MCTP2: variants seen among roughly 807,000 people sequenced by gnomAD.
MCTP2 encodes multiple C2 and transmembrane domain containing 2, also known as multiple C2 and transmembrane domain-containing protein 2.
In MCTP2, 132 loss-of-function variants were observed where a neutral mutation model predicts 111.6. The observed-to-expected ratio is 1.18, with a 90% CI of 1.03 to 1.37. MCTP2 has a LOEUF of 1.37. MCTP2 is among the 40% of genes most tolerant of loss of function. The probability of loss-of-function intolerance (pLI) is 0.00; values close to 1 mark genes in which losing one functional copy is unlikely to be tolerated. For synonymous variants in MCTP2, 395 were observed against 387.7 expected (o/e 1.02, Z -0.22); for missense variants, 1,183 against 1,067.9 (o/e 1.11, Z -1.50).
chr15:94,233,018 T>A (rs1477274850), intron 1 of MCTP2, among the ~76,000 whole-genome samples: 1 of 152,140 alleles, frequency 6.6e-6, no homozygotes, highest in Non-Finnish European at 1.5e-5. Context: ...AATTTAGAAA[T>A]TGCATGTGGC....
At chr15:94,478,744 A>T (rs1358302910) in intron 22 of MCTP2, among the ~76,000 whole-genome samples, 3 of 152,228 alleles carry the variant, frequency 2.0e-5, no homozygotes, top group Non-Finnish European at 4.4e-5. Flanking sequence ...CACGCATCTC[A>T]TTAGAAAAAT....
At chr15:94,358,228 C>T (rs2060373) in intron 9 of MCTP2, among the ~76,000 whole-genome samples, 68,453 of 151,874 alleles carry the variant, frequency 0.45, 15,580 homozygotes, top group Admixed American at 0.5. Flanking sequence ...TTATGGTTTC[C>T]TGTGAGGTAA....
rs757168539 is a variant in MCTP2 at position 94,314,275 on chromosome 15, T to C, written c.466-7T>C. 1.9e-6 allele frequency: 3 copies of C among 1,601,216 alleles called. No homozygotes were observed. The highest frequency in any genetic ancestry group is 1.1e-5 in the South Asian group (1 of 88,802). On this transcript the variant is annotated splice_polypyrimidine_tract_variant and splice_region_variant and intron_variant, in intron 2 of 22. Transcript: ENST00000357742. ...TAAAGCAGATTTTTTTTTCTTTTTC[T>C]TTGCAGAAGCTATGTGGAAGCAGTG...
chr15:94,438,484 G>T lies in MCTP2; in HGVS notation c.2086-1692G>T, dbSNP rs541528411. On this transcript the variant is annotated intron_variant, in intron 17 of 22. Transcript: ENST00000357742. ...GTTAGAAAATAAAATACAGCAATAC[G>T]GGTTCACCTCAGTGAAGGAGTTTCT... Among the ~76,000 whole-genome samples the T allele has an allele frequency of 8.0e-4, 121 of 152,132 alleles. 1 individual carries two copies. The South Asian group carries it at 0.025, about 32-fold the overall frequency.
At chr15:94,475,218 G>A (rs1440068244) in intron 21 of MCTP2, among the ~76,000 whole-genome samples, 1 of 152,138 alleles carries the variant, frequency 6.6e-6, no homozygotes, top group Non-Finnish European at 1.5e-5. Context: ...AGCTAGAAAC[G>A]TGAAGCTTGC....
Position 94,479,307 on chromosome 15 carries a change from A to C in MCTP2, c.*273A>C. On this transcript the variant is annotated 3_prime_UTR_variant, in exon 23 of 23. Transcript: ENST00000357742. The stretch of plus-strand genomic sequence containing the variant: ...AACATCCATTCTGAAATAGGAGATA[A>C]CAAGGCTGCCATGGATCTGAACACC... 1 of 474,900 alleles carries C rather than the reference A, an allele frequency of 2.1e-6. No individual in the cohort carries two copies. Among genetic ancestry groups the C allele is most frequent in the Non-Finnish European group, 3.8e-6 (1 of 262,518 alleles). 29.4% of individuals were successfully genotyped at this position (474,900 alleles called of 1,614,324 possible). A position where few individuals can be genotyped will look rare whatever the true frequency, so the allele number is the denominator to read the frequency against.
At chr15:94,328,131 C>CTTT (rs61495849) in intron 4 of MCTP2, among the ~76,000 whole-genome samples, 25 of 138,770 alleles carry the variant, frequency 1.8e-4, no homozygotes, top group African/African-American at 6.5e-4. Context: ...TATTTCTTTT[C>CTTT]TTTTTTTTTT....
intron 21 of MCTP2, among the ~76,000 whole-genome samples, chr15:94,470,987 A>T (rs1236257740): frequency 6.6e-6 from 1 of 152,194 alleles, no homozygotes; most frequent in Non-Finnish European, 1.5e-5. Context: ...TTACCAGGGG[A>T]AATGGTGTGC....
chr15:94,431,681 T>A (rs115911717), intron 17 of MCTP2, among the ~76,000 whole-genome samples: 2,121 of 152,284 alleles, frequency 0.014, 47 homozygotes, highest in African/African-American at 0.046. Flanking sequence ...TAATTTTTTT[T>A]AAAAATTTAA....
chr15:94,328,277 C>T (rs1056066817), intron 4 of MCTP2, among the ~76,000 whole-genome samples: 11 of 151,674 alleles, frequency 7.3e-5, no homozygotes, highest in Non-Finnish European at 1.2e-4. Context: ...TACAGGTGCC[C>T]GCCACCACGC....
At chr15:94,253,895 G>A (rs112882461) in intron 1 of MCTP2, among the ~76,000 whole-genome samples, 1 of 152,070 alleles carries the variant, frequency 6.6e-6, no homozygotes, top group African/African-American at 2.4e-5. Context: ...GCTCAATGGT[G>A]GGTTGAAACA....
chr15:94,290,152 C>CAA (rs57892801), intron 1 of MCTP2, among the ~76,000 whole-genome samples: 81 of 140,000 alleles, frequency 5.8e-4, no homozygotes, highest in African/African-American at 2.0e-3. Flanking sequence ...CTAGAGCCTC[C>CAA]AAAAAAAAAA....
chr15:94,290,969 T>C (rs1164365106), intron 1 of MCTP2, among the ~76,000 whole-genome samples: 1 of 152,224 alleles, frequency 6.6e-6, no homozygotes, highest in East Asian at 1.9e-4. Context: ...AAATTACTCC[T>C]GTCTCAGTAA....
intron 14 of MCTP2, among the ~76,000 whole-genome samples, chr15:94,396,713 A>G (rs1315500189): frequency 1.3e-5 from 2 of 152,182 alleles, no homozygotes; most frequent in African/African-American, 2.4e-5. Flanking sequence ...TTTAGCTTTT[A>G]TCTTTTCTCT....
In MCTP2 at chr15:94,440,302, A is replaced by G; in HGVS notation, c.2208+4A>G. The G allele has an allele frequency of 3.7e-6, 6 of 1,613,692 alleles. No homozygotes were observed. Among genetic ancestry groups the G allele is most frequent in the Non-Finnish European group, 5.1e-6 (6 of 1,179,852 alleles). On this transcript the variant is annotated splice_donor_region_variant and intron_variant, in intron 18 of 22. Transcript: ENST00000357742. Reference sequence around the variant, plus strand: ...CAGCAGCATCCAGGACAGCCAGGTAAGCAAGGATTCGGAGTTCTGACATTT... The same window carrying G: ...CAGCAGCATCCAGGACAGCCAGGTAGGCAAGGATTCGGAGTTCTGACATTT...
intron 1 of MCTP2, among the ~76,000 whole-genome samples, chr15:94,277,703 T>C (rs1028885513): frequency 1.3e-5 from 2 of 152,118 alleles, no homozygotes; most frequent in Non-Finnish European, 2.9e-5. Context: ...AAGCAGGGGA[T>C]TTTTTATGAC....
chr15:94,312,338 G>A (rs2076181913), intron 2 of MCTP2, among the ~76,000 whole-genome samples: 1 of 152,226 alleles, frequency 6.6e-6, no homozygotes, highest in East Asian at 1.9e-4. Context: ...GTGGACTTCA[G>A]AGAGTACTGC....
Position 94,480,281 on chromosome 15 carries a change from A to C in MCTP2, c.*1247A>C, listed in dbSNP as rs1352118220. 1.3e-5 allele frequency: 2 copies of C among 152,138 alleles called. No individual in the cohort carries two copies. The highest frequency in any genetic ancestry group is 4.8e-5 in the African/African-American group (2 of 41,402). 9.4% of individuals were successfully genotyped at this position (152,138 alleles called of 1,614,324 possible). A position where few individuals can be genotyped will look rare whatever the true frequency, so the allele number is the denominator to read the frequency against. On this transcript the variant is annotated 3_prime_UTR_variant, in exon 23 of 23. Coordinates refer to ENST00000357742, the MANE Select transcript of MCTP2 (RefSeq NM_001385001.1). ...TTATGTATGTATGTATTATAAAAAA[A>C]GTTAAGGTTAAAAAGATCTCATTTA...
At chr15:94,435,339 C>G (rs2083412784) in intron 17 of MCTP2, among the ~76,000 whole-genome samples, 1 of 152,060 alleles carries the variant, frequency 6.6e-6, no homozygotes, top group Non-Finnish European at 1.5e-5. Context: ...TCTTAATAAT[C>G]TTTCATAGTT....
Sources: gnomAD v4.1 joint callset for allele counts (sites outside exome capture counted in the v4.1 genomes callset) on GRCh38, gnomAD v4.1.1 for gene constraint, MANE v1.5 for transcripts, NCBI Gene and HGNC (gene_info 2026-07-23, HGNC 2026-07-21) for gene names.